Variants in SARS1 observed in about 807,000 individuals in gnomAD.
The protein encoded by SARS1 is serine--tRNA ligase, cytoplasmic.
A neutral mutation model predicts 63.7 loss-of-function variants in SARS1; 25 were observed. The ratio of observed to expected loss-of-function variants is 0.39; its 90% CI spans 0.29 to 0.55. SARS1 has a LOEUF of 0.55. Ranked by LOEUF, SARS1 falls within the 20% of genes least tolerant of loss-of-function variation. The probability of loss-of-function intolerance (pLI) is 0.62; values close to 1 mark genes in which losing one functional copy is unlikely to be tolerated. For missense variants in SARS1, 417 were observed against 649.7 expected (o/e 0.64, Z 3.89); for synonymous variants, 231 against 243.5 (o/e 0.95, Z 0.48).
At position 109,237,955 on chromosome 1, in the gene SARS1, A is replaced by C; in HGVS notation, c.*67A>C. 1 of 1,566,116 alleles carries C rather than the reference A, an allele frequency of 6.4e-7. No individual in the cohort carries two copies. The highest frequency in any genetic ancestry group is 8.7e-7 in the Non-Finnish European group (1 of 1,149,780). ...GCTGAGATCTCAGAGCCTGCCCAAC[A>C]GCAGGGAAGCCAAGCACCCATTCAT... On this transcript the variant is annotated 3_prime_UTR_variant, in exon 11 of 11. Coordinates refer to ENST00000234677, the MANE Select transcript of SARS1 (RefSeq NM_006513.4). This position sits in a 1 kb window ranked among gnomAD's most constrained non-coding sequence, Gnocchi z 4.1.
At position 109,235,122 on chromosome 1, in the gene SARS1, CTAT is replaced by C; in HGVS notation, c.748-83_748-81del. 1 of 1,067,036 alleles carries C rather than the reference CTAT, an allele frequency of 9.4e-7. No individual in the cohort carries two copies. Among genetic ancestry groups the C allele is most frequent in the Non-Finnish European group, 1.4e-6 (1 of 694,700 alleles). The allele number at this position is 1,067,036 out of a possible 1,614,324, so 66.1% of individuals were successfully genotyped here. A position where few individuals can be genotyped will look rare whatever the true frequency, so the allele number is the denominator to read the frequency against. On this transcript the variant is annotated intron_variant, in intron 6 of 10. Transcript: ENST00000234677. This position sits in a 1 kb window ranked among gnomAD's most constrained non-coding sequence, Gnocchi z 4.7. ...GGGATTAAAGGAAATTTTTCCTGCA[CTAT>C]TATTGATCTCTTTCTTGTGGTTTCT...
At chr1:109,224,101 T>A in intron 2 of SARS1, 53 bp downstream of exon 2, 2 of 1,329,462 alleles carry the variant, frequency 1.5e-6, no homozygotes, top group Non-Finnish European at 2.2e-6. Flanking sequence ...AGATATTTGA[T>A]CTTGCTCTTA....
chr1:109,214,878 G>A lies in SARS1; in HGVS notation c.136+750G>A. 1.0e-5 allele frequency: 10 copies of A among 985,434 alleles called. No individual in the cohort carries two copies. The highest frequency in any genetic ancestry group is 1.2e-5 in the Non-Finnish European group (10 of 829,942). 61.0% of individuals were successfully genotyped at this position (985,434 alleles called of 1,614,324 possible). The stretch of plus-strand genomic sequence containing the variant: ...CTGCCGGATCTTGGAGTCATATCGG[G>A]CATCTATCATGAAGCCGAATAAAAC... On this transcript the variant is annotated intron_variant, in intron 1 of 10. Coordinates refer to ENST00000234677, the MANE Select transcript of SARS1 (RefSeq NM_006513.4). This position sits in a 1 kb window ranked among gnomAD's most constrained non-coding sequence, Gnocchi z 4.6.
rs760077311 is a variant in SARS1 at position 109,237,368 on chromosome 1, C to T, written c.1382C>T (p.Pro461Leu). ...TVPEKLKEFMPPGLQELIPFV... is the reference protein window; with the variant it reads ...TVPEKLKEFMLPGLQELIPFV... ...CCTGAGAAATTGAAGGAGTTCATGC[C>T]GCCAGGTAAAACTCCCAGCTCATCT... Residue 461 changes from proline to leucine, a missense_variant, in exon 10 of 11, where the codon CCG becomes CTG. Physicochemically the swap from Pro to Leu is moderately conservative, Grantham distance 98. Coordinates refer to ENST00000234677, the MANE Select transcript of SARS1 (RefSeq NM_006513.4). The surrounding 1 kb of genome is among the most constrained non-coding windows in gnomAD (Gnocchi z 4.1). 14 of 1,614,084 alleles carry T rather than the reference C, an allele frequency of 8.7e-6. No homozygotes were observed. Among genetic ancestry groups the T allele is most frequent in the African/African-American group, 1.3e-5 (1 of 74,936 alleles).
rs776929458 is a variant in SARS1, at chr1:109,214,825, A to T, written c.136+697A>T. ...TTTGTGGACGTTTTCCTTTAAAGAC[A>T]TTGGCAGAGTTGGGCTAGAACCTGG... On this transcript the variant is annotated intron_variant, in intron 1 of 10. Coordinates refer to ENST00000234677, the MANE Select transcript of SARS1 (RefSeq NM_006513.4). The surrounding 1 kb of genome is among the most constrained non-coding windows in gnomAD (Gnocchi z 4.6). The T allele has an allele frequency of 5.9e-5, 58 of 985,500 alleles. 2 individuals are homozygous for T. In the South Asian group the frequency reaches 1.1e-3, roughly 19 times the overall value. The allele number at this position is 985,500 out of a possible 1,614,324, so 61.0% of individuals were successfully genotyped here.
chr1:109,233,638 T>C (rs1655250973), intron 6 of SARS1, among the ~76,000 whole-genome samples: 1 of 152,130 alleles, frequency 6.6e-6, no homozygotes, highest in South Asian at 2.1e-4. Context: ...CACATACTTA[T>C]AATTGCCATG....
intron 2 of SARS1, among the ~76,000 whole-genome samples, chr1:109,224,688 C>T (rs1245663332): frequency 2.0e-5 from 3 of 152,048 alleles, no homozygotes; most frequent in East Asian, 1.9e-4. Context: ...AAAAAAAATC[C>T]TTCCTATGCC....
chr1:109,215,416 G>A (rs1252130104), intron 1 of SARS1: 1 of 985,308 alleles, frequency 1.0e-6, no homozygotes, highest in Non-Finnish European at 1.2e-6. Flanking sequence ...ACATCTGAGG[G>A]ATTTGTCCCT....
chr1:109,215,816 A>C (rs913431327), intron 1 of SARS1: 53 of 368,298 alleles, frequency 1.4e-4, no homozygotes, highest in Non-Finnish European at 1.9e-4. Flanking sequence ...AGAGATTATC[A>C]TGCCTCAGCC....
chr1:109,223,797 G>A (rs769056749), intron 1 of SARS1, among the ~76,000 whole-genome samples, 181 bp from the exon 2 acceptor site: 1 of 152,168 alleles, frequency 6.6e-6, no homozygotes, highest in Admixed American at 6.5e-5. Flanking sequence ...AGAGCAAGAT[G>A]CTGTCTCAAA....
intron 5 of SARS1, 130 bp downstream of exon 5, chr1:109,231,151 G>A: frequency 1.9e-6 from 1 of 523,996 alleles, no homozygotes. Context: ...AGTTGTACTT[G>A]CCTTTCTGCA....
intron 1 of SARS1, chr1:109,215,230 A>C (rs1324723336): frequency 2.1e-5 from 21 of 985,312 alleles, no homozygotes; most frequent in Non-Finnish European, 2.0e-5. Context: ...CTTGACCTGA[A>C]GTTTCGAGTT....
At chr1:109,236,165 C>A in intron 8 of SARS1, 59 bp downstream of exon 8, 4 of 1,563,096 alleles carry the variant, frequency 2.6e-6, no homozygotes, top group East Asian at 2.2e-5. Flanking sequence ...GCCACCCTTA[C>A]CAGCTGAGCT....
At position 109,237,020 on chromosome 1, in the gene SARS1, C is replaced by A; in HGVS notation, c.1258-224C>A. The A allele has an allele frequency of 7.9e-7, 1 of 1,268,098 alleles. No homozygotes were observed. Among genetic ancestry groups the A allele is most frequent in the Non-Finnish European group, 1.1e-6 (1 of 936,614 alleles). 78.6% of individuals were successfully genotyped at this position (1,268,098 alleles called of 1,614,324 possible). ...CAACTCTCAGAATACCAGAAGCTAC[C>A]ACTTGTCACTCATCGAAACATGAGG... On this transcript the variant is annotated intron_variant, in intron 9 of 10. Transcript: ENST00000234677. This position sits in a 1 kb window ranked among gnomAD's most constrained non-coding sequence, Gnocchi z 4.1.
intron 1 of SARS1, chr1:109,215,073 G>A: frequency 1.0e-6 from 1 of 985,458 alleles, no homozygotes; most frequent in Non-Finnish European, 1.2e-6. Flanking sequence ...ATCCAAGAGT[G>A]TGATGGATTT....
intron 5 of SARS1, chr1:109,231,402 CA>C: frequency 2.7e-6 from 1 of 364,642 alleles, no homozygotes; most frequent in African/African-American, 2.1e-5. Context: ...TTGAGAACAT[CA>C]GGATAATTCT....
chr1:109,214,116 G>C lies in SARS1; in HGVS notation c.124G>C (p.Glu42Gln). Residue 42 changes from glutamate (E) to glutamine (Q), a missense_variant, in exon 1 of 11, where the codon GAG becomes CAG. Glu to Gln is a conservative substitution (Grantham distance 29). Coordinates refer to ENST00000234677, the MANE Select transcript of SARS1 (RefSeq NM_006513.4). The surrounding 1 kb of genome is among the most constrained non-coding windows in gnomAD (Gnocchi z 4.6). ...LVDQLVKADSEWRRCRFRADN... is the reference protein window; with the variant it reads ...LVDQLVKADSQWRRCRFRADN... Reference sequence around the variant, plus strand: ...GGACCAGCTGGTGAAGGCAGACAGCGAGTGGCGACGATGTAAGTACCGGGA... The same window carrying C: ...GGACCAGCTGGTGAAGGCAGACAGCCAGTGGCGACGATGTAAGTACCGGGA... The C allele has an allele frequency of 1.2e-6, 2 of 1,613,810 alleles. No individual in the cohort carries two copies. The highest frequency in any genetic ancestry group is 1.7e-6 in the Non-Finnish European group (2 of 1,179,854).
In SARS1 at chr1:109,235,859, C is replaced by G. The variant is rs1655296407; in HGVS notation, c.970-118C>G. On this transcript the variant is annotated intron_variant, in intron 7 of 10. Coordinates refer to ENST00000234677, the MANE Select transcript of SARS1 (RefSeq NM_006513.4). This position sits in a 1 kb window ranked among gnomAD's most constrained non-coding sequence, Gnocchi z 4.7. ...GGTCCAGTCCCAGTTGCTGGGGGCC[C>G]AGACTTGCCTGCCTCCCAGTGGTGT... 9.8e-7 allele frequency: 1 copy of G among 1,022,198 alleles called. No individual in the cohort carries two copies. The highest frequency in any genetic ancestry group is 1.4e-6 in the Non-Finnish European group (1 of 698,976). The allele number at this position is 1,022,198 out of a possible 1,614,324, so 63.3% of individuals were successfully genotyped here.
In SARS1 at chr1:109,214,744, G is replaced by A; in HGVS notation, c.136+616G>A. 1 of 985,454 alleles carries A rather than the reference G, an allele frequency of 1.0e-6. No individual in the cohort carries two copies. The highest frequency in any genetic ancestry group is 1.7e-5 in the African/African-American group (1 of 57,354). The allele number at this position is 985,454 out of a possible 1,614,324, so 61.0% of individuals were successfully genotyped here. On this transcript the variant is annotated intron_variant, in intron 1 of 10. Transcript: ENST00000234677. This position sits in a 1 kb window ranked among gnomAD's most constrained non-coding sequence, Gnocchi z 4.6. ...GTCTTTTCCGTGGTAGATCAAACGC[G>A]AGGGGAGTGAGGAGGCGAGCAAAAG...
Sources: allele counts gnomAD v4.1 joint callset (sites outside exome capture counted in the v4.1 genomes callset), GRCh38; gene constraint gnomAD v4.1.1; non-coding constraint Gnocchi (gnomAD v3.1); transcripts MANE v1.5; gene names NCBI Gene and HGNC (gene_info 2026-07-23, HGNC 2026-07-21).